The following NOL8 variants were observed in gnomAD, a reference collection of about 807,000 sequenced individuals.
NOL8 encodes nucleolar protein 8, also known as nucleolar protein Nop132.
A neutral mutation model predicts 116.1 loss-of-function variants in NOL8; 93 were observed. The observed-to-expected ratio is 0.80, with a 90% CI of 0.68 to 0.95. The LOEUF (loss-of-function observed/expected upper bound fraction) is 0.95. Ranked by LOEUF, NOL8 falls within the 40% of genes least tolerant of loss-of-function variation. The pLI is 0.00. For synonymous variants in NOL8, 419 were observed against 469.0 expected (o/e 0.89, Z 1.38); for missense variants, 1,291 against 1,382.8 (o/e 0.93, Z 1.05).
chr9:92,311,254 A>G lies in NOL8; in HGVS notation c.2364T>C (p.Gly788=). Residue 788 remains glycine, a synonymous_variant, in exon 8 of 17, where the codon GGT becomes GGC. Coordinates refer to ENST00000442668, the MANE Select transcript of NOL8 (RefSeq NM_017948.6). The part of the protein sequence containing the change: ...LVHNALANLD[G]HPEDKPTHII... ...TGTGCGTTGGCTTATCCTCTGGATG[A>G]CCATCCTAGGGAGGCCATCGAAAGC... is the stretch of plus-strand genomic sequence containing the variant. 6.2e-7 allele frequency: 1 copy of G among 1,611,762 alleles called. No individual in the cohort carries two copies. The highest frequency in any genetic ancestry group is 8.5e-7 in the Non-Finnish European group (1 of 1,178,188).
chr9:92,304,286 C>A (rs1462155890), intron 12 of NOL8, among the ~76,000 whole-genome samples: 3 of 152,174 alleles, frequency 2.0e-5, no homozygotes, highest in African/African-American at 7.2e-5. Context: ...ACATGTGACT[C>A]CTTTGTGCCT....
Position 92,297,560 on chromosome 9 carries a change from G to A in NOL8, c.*276C>T, listed in dbSNP as rs759436081. ...GAGAAGATGTCCATTAGTTACTCAG[G>A]ATAGAGGGCAAAGAGATTATATACA... On this transcript the variant is annotated 3_prime_UTR_variant, in exon 17 of 17. Transcript: ENST00000442668. 3 of 355,224 alleles carry A rather than the reference G, an allele frequency of 8.4e-6. No homozygotes were observed. The highest frequency in any genetic ancestry group is 1.5e-5 in the Non-Finnish European group (3 of 197,202). The allele number at this position is 355,224 out of a possible 1,614,324, so 22.0% of individuals were successfully genotyped here.
intron 7 of NOL8, 146 bp downstream of exon 7, chr9:92,314,120 CA>C: frequency 8.1e-7 from 1 of 1,240,096 alleles, no homozygotes; most frequent in Non-Finnish European, 1.0e-6. Context: ...TCAGATAAAC[CA>C]GATGAAAAAG....
At position 92,300,760 on chromosome 9, in the gene NOL8, G is replaced by A. The variant is rs1233891328; in HGVS notation, c.3176-744C>T. On this transcript the variant is annotated intron_variant, in intron 13 of 16. Transcript: ENST00000442668. ...ACCACGGAGTTGGTATTATCTGCTA[G>A]TGAACCGAGATTGCACCACTGCACT... is the stretch of plus-strand genomic sequence containing the variant. 3 of 1,191,808 alleles carry A rather than the reference G, an allele frequency of 2.5e-6. No individual in the cohort carries two copies. In the African/African-American group the frequency reaches 4.8e-5, roughly 19 times the overall value. The allele number at this position is 1,191,808 out of a possible 1,614,324, so 73.8% of individuals were successfully genotyped here. A position where few individuals can be genotyped will look rare whatever the true frequency, so the allele number is the denominator to read the frequency against.
intron 12 of NOL8, among the ~76,000 whole-genome samples, chr9:92,304,876 C>G (rs1366142344): frequency 1.3e-5 from 2 of 152,092 alleles, no homozygotes; most frequent in Admixed American, 1.3e-4. Flanking sequence ...TTTCAAGATT[C>G]AATTCAGGAT....
Position 92,298,270 on chromosome 9 carries a change from G to A in NOL8, c.3440C>T (p.Thr1147Ile), listed in dbSNP as rs775668524. ...ACAATTACTCACCATACGCAGGTTGGTTGTTCTGGCCTCCCAAGAGTTCCT... is the reference window on the plus strand; with the variant it reads ...ACAATTACTCACCATACGCAGGTTGATTGTTCTGGCCTCCCAAGAGTTCCT... Reference protein sequence around the residue: ...MSRNSWEARTTNLRMDCRKKH... With the variant: ...MSRNSWEARTINLRMDCRKKH... Residue 1147 changes from threonine to isoleucine, a missense_variant, in exon 16 of 17, where the codon ACC becomes ATC. Coordinates refer to ENST00000442668, the MANE Select transcript of NOL8 (RefSeq NM_017948.6). The A allele has an allele frequency of 5.9e-5, 95 of 1,607,078 alleles. 3 individuals are homozygous for A. The South Asian group carries it at 1.0e-3, about 17-fold the overall frequency.
At chr9:92,305,656 C>A (rs928119084) in intron 12 of NOL8, 97 bp downstream of exon 12, 4 of 845,466 alleles carry the variant, frequency 4.7e-6, no homozygotes, top group Non-Finnish European at 5.9e-6. Flanking sequence ...TACAGTGGGA[C>A]CAATGAGTAG....
At position 92,298,929 on chromosome 9, in the gene NOL8, T is replaced by C; in HGVS notation, c.3328A>G (p.Thr1110Ala). ...TTAGAGAAAAAGAAAAATCTAGTGGTCTCTTTCTCAAGTAATGATGCTTCT... is the reference window on the plus strand; with the variant it reads ...TTAGAGAAAAAGAAAAATCTAGTGGCCTCTTTCTCAAGTAATGATGCTTCT... ...PGEASLLEKE[T>A]TRFFFFSKND... The change falls in exon 15 of 17, where the codon ACC becomes GCC. Residue 1110 changes from threonine (T) to alanine (A), a missense_variant. By Grantham distance (58) the Thr-to-Ala change is moderately conservative. Transcript: ENST00000442668. The C allele has an allele frequency of 6.5e-7, 1 of 1,530,902 alleles. No homozygotes were observed. The highest frequency in any genetic ancestry group is 8.8e-7 in the Non-Finnish European group (1 of 1,135,040). The allele number at this position is 1,530,902 out of a possible 1,614,324, so 94.8% of individuals were successfully genotyped here.
In NOL8 at chr9:92,314,695, G is replaced by T. The variant is rs1331044835; in HGVS notation, c.1930C>A (p.Pro644Thr). Residue 644 changes from proline to threonine, a missense_variant, in exon 7 of 17, where the codon CCT becomes ACT. Pro to Thr is a conservative substitution (Grantham distance 38). Coordinates refer to ENST00000442668, the MANE Select transcript of NOL8 (RefSeq NM_017948.6). The stretch of plus-strand genomic sequence containing the variant: ...TCAAAAGTGGTCTGTCTTTTTTGAG[G>T]CTGAATATAGTTTGGGCCATTCGCC... Reference protein sequence around the residue: ...KKANGPNYIQPQKRQTTFESQ... With the variant: ...KKANGPNYIQTQKRQTTFESQ... 1 of 1,613,618 alleles carries T rather than the reference G, an allele frequency of 6.2e-7. No individual in the cohort carries two copies. The highest frequency in any genetic ancestry group is 1.3e-5 in the African/African-American group (1 of 74,910).
rs1839383054 is a variant in NOL8 at position 92,316,100 on chromosome 9, C to T, written c.525G>A (p.Leu175=). 2.5e-6 allele frequency: 4 copies of T among 1,613,828 alleles called. No individual in the cohort carries two copies. Among genetic ancestry groups the T allele is most frequent in the African/African-American group, 1.3e-5 (1 of 74,930 alleles). Reference sequence around the variant, plus strand: ...TTGAGAAATCCTCCCCTATCTTCTTCAGGTTGTGGCAGTATTTTGAGGGAT... The same window carrying T: ...TTGAGAAATCCTCCCCTATCTTCTTTAGGTTGTGGCAGTATTTTGAGGGAT... ...KYDPSKYCHN[L]KKIGEDFSNT... Residue 175 remains leucine, a synonymous_variant, in exon 7 of 17, where the codon CTG becomes CTA. Transcript: ENST00000442668.
intron 12 of NOL8, among the ~76,000 whole-genome samples, chr9:92,304,128 C>T (rs966989940): frequency 6.6e-6 from 1 of 152,156 alleles, no homozygotes; most frequent in Non-Finnish European, 1.5e-5. Flanking sequence ...GAAAAAACTA[C>T]TCAGCTGTAA....
chr9:92,313,307 G>A (rs1459450715), intron 7 of NOL8, among the ~76,000 whole-genome samples: 4 of 152,128 alleles, frequency 2.6e-5, no homozygotes, highest in Admixed American at 1.3e-4. Context: ...TTTCATCATG[G>A]TCTGAAGGAT....
At chr9:92,320,377 C>T (rs1471567287) in intron 4 of NOL8, 3 of 328,736 alleles carry the variant, frequency 9.1e-6, no homozygotes, top group African/African-American at 6.5e-5. Flanking sequence ...AGGCTGGCAA[C>T]TGCTGCTGGA....
chr9:92,300,657 TTATA>T (rs751690263), intron 13 of NOL8: 52 of 1,049,070 alleles, frequency 5.0e-5, no homozygotes, highest in Admixed American at 1.4e-4. Flanking sequence ...ACTCAACAGT[TTATA>T]TAGACAAGAA....
intron 2 of NOL8, 134 bp downstream of exon 2, chr9:92,323,889 A>G (rs955836061): frequency 7.4e-6 from 7 of 943,358 alleles, no homozygotes; most frequent in East Asian, 5.1e-5. Context: ...TCCACATCAC[A>G]CATTATACCT....
intron 6 of NOL8, 106 bp downstream of exon 6, chr9:92,318,511 CA>C: frequency 1.2e-6 from 1 of 807,066 alleles, no homozygotes. Context: ...TGGGAACACG[CA>C]AACAAACACC....
chr9:92,298,867 GA>G lies in NOL8; in HGVS notation c.3373+16del. 10 of 1,458,356 alleles carry G rather than the reference GA, an allele frequency of 6.9e-6. No homozygotes were observed. Among genetic ancestry groups the G allele is most frequent in the Non-Finnish European group, 9.3e-6 (10 of 1,079,246 alleles). The allele number at this position is 1,458,356 out of a possible 1,614,324, so 90.3% of individuals were successfully genotyped here. The stretch of plus-strand genomic sequence containing the variant: ...ACCTGTTCTATGTATGTAATTTGAT[GA>G]AAAAAATGGACTGACCTTGAAGTCG... On this transcript the variant is annotated intron_variant, in intron 15 of 16. Transcript: ENST00000442668.
chr9:92,299,107 C>T (rs941568339), intron 14 of NOL8, among the ~76,000 whole-genome samples, 153 bp from the exon 15 acceptor site: 1 of 152,174 alleles, frequency 6.6e-6, no homozygotes, highest in Admixed American at 6.5e-5. Context: ...GAGCGAGACT[C>T]TTAAATATAT....
intron 4 of NOL8, among the ~76,000 whole-genome samples, chr9:92,319,720 C>T (rs984720466): frequency 7.2e-5 from 11 of 152,170 alleles, no homozygotes; most frequent in Non-Finnish European, 4.4e-5. Flanking sequence ...TCAACTTATA[C>T]GTTCTTTGAA....
Sources: gnomAD v4.1 joint callset for allele counts (sites outside exome capture counted in the v4.1 genomes callset) on GRCh38, gnomAD v4.1.1 for gene constraint, MANE v1.5 for transcripts, NCBI Gene and HGNC (gene_info 2026-07-23, HGNC 2026-07-21) for gene names.